DMD: variants seen among roughly 807,000 people sequenced by gnomAD.
The protein encoded by DMD is dystrophin.
A neutral mutation model predicts 330.1 loss-of-function variants in DMD; 63 were observed. The ratio of observed to expected loss-of-function variants is 0.19; its 90% confidence interval spans 0.16 to 0.24. DMD has a LOEUF of 0.24. Among genes scored for constraint, DMD ranks in the 10% least tolerant of loss-of-function variants. DMD has a pLI of 1.00. For missense variants in DMD, 3,344 were observed against 2,684.1 expected (o/e 1.25, Z -5.43); for synonymous variants, 1,223 against 959.8 (o/e 1.27, Z -5.07).
intron 1 of DMD, among the ~76,000 whole-genome samples, chrX:33,033,597 T>C (rs1442833397): frequency 9.5e-6 from 1 of 105,436 alleles, no homozygotes; most frequent in Non-Finnish European, 1.9e-5. Flanking sequence ...CGGGCACCTG[T>C]AGTCTCAGCT....
chrX:31,749,191 G>A (rs1357643644), intron 51 of DMD, among the ~76,000 whole-genome samples: 1 of 108,399 alleles, frequency 9.2e-6, no homozygotes, highest in Non-Finnish European at 1.9e-5. Flanking sequence ...TGTGCACAAT[G>A]TGCAGGTTAG....
At chrX:31,486,958 C>T (rs1207439371) in intron 57 of DMD, among the ~76,000 whole-genome samples, 3 of 111,836 alleles carry the variant, frequency 2.7e-5, no homozygotes, top group Admixed American at 9.5e-5. Context: ...ACAAGCAATG[C>T]TCAGTTAACT....
chrX:32,481,474 C>A (rs1456922522), intron 21 of DMD, among the ~76,000 whole-genome samples: 1 of 111,532 alleles, frequency 9.0e-6, no homozygotes, highest in Admixed American at 9.5e-5. Context: ...GTCTACTGCT[C>A]TTAAAATCCA....
At chrX:33,028,860 C>G (rs1342456795) in intron 1 of DMD, among the ~76,000 whole-genome samples, 3 of 112,057 alleles carry the variant, frequency 2.7e-5, no homozygotes, top group Non-Finnish European at 5.6e-5. Flanking sequence ...CTTGCTTACA[C>G]TCACACATAC....
At position 31,318,131 on chromosome X, in the gene DMD, T is replaced by C. The variant is rs966803184; in HGVS notation, c.9224+5467A>G. On this transcript the variant is annotated intron_variant, in intron 62 of 78. Transcript: ENST00000357033. Reference sequence around the variant, plus strand: ...GGGACATATTTGGAATCCGAAAAAATTGCCATGAAAGTAGTAATAGAGGCA... The same window carrying C: ...GGGACATATTTGGAATCCGAAAAAACTGCCATGAAAGTAGTAATAGAGGCA... Among the ~76,000 whole-genome samples the C allele has an allele frequency of 6.3e-5, 7 of 111,089 alleles. No individual in the cohort carries two copies. In the East Asian group the frequency reaches 1.1e-3, roughly 18 times the overall value.
At position 31,968,489 on chromosome X, in the gene DMD, C is replaced by A; in HGVS notation, c.6464G>T (p.Arg2155Leu). The A allele has an allele frequency of 8.3e-7, 1 of 1,210,398 alleles. No homozygotes were observed. Among genetic ancestry groups the A allele is most frequent in the Non-Finnish European group, 1.1e-6 (1 of 894,729 alleles). ...ATTCAATGTTCTGACAACAGTTTGC[C>A]GCTGCCCAATGCCATCCTGGAGTTC... Reference protein sequence around the residue: ...LKELQDGIGQRQTVVRTLNAT... With the variant: ...LKELQDGIGQLQTVVRTLNAT... Residue 2155 changes from arginine to leucine, a missense_variant, in exon 45 of 79, where the codon CGG (arginine) becomes CTG (leucine). Transcript: ENST00000357033.
At chrX:31,696,964 C>T (rs186311095) in intron 52 of DMD, among the ~76,000 whole-genome samples, 1 of 112,185 alleles carries the variant, frequency 8.9e-6, no homozygotes, top group Admixed American at 9.5e-5. Context: ...AGAGTAGACC[C>T]TGCAGAAATA....
rs1035596609 is a variant in DMD at position 32,717,496 on chromosome X, T to C, written c.650-18203A>G. On this transcript the variant is annotated intron_variant, in intron 7 of 78. Transcript: ENST00000357033. ...ATCCACCTAGATTTCAGAGAATGTGTGGAAACACCTGCATGTCCAGGTAGA... is the reference window on the plus strand; with the variant it reads ...ATCCACCTAGATTTCAGAGAATGTGCGGAAACACCTGCATGTCCAGGTAGA... Among the ~76,000 whole-genome samples, 23 of 111,495 alleles carry C rather than the reference T, an allele frequency of 2.1e-4. 1 individual carries two copies. The highest frequency in any genetic ancestry group is 5.7e-4 in the Admixed American group (6 of 10,552).
intron 62 of DMD, among the ~76,000 whole-genome samples, chrX:31,281,772 T>C (rs1345355932): frequency 5.4e-5 from 6 of 111,415 alleles, no homozygotes; most frequent in African/African-American, 2.0e-4. Context: ...ACAAAAACAA[T>C]ATGAGTTAAG....
chrX:31,425,695 T>TACACACACACACACGCACACACAC (rs2063667557), intron 60 of DMD, among the ~76,000 whole-genome samples: 1 of 103,599 alleles, frequency 9.7e-6, no homozygotes, highest in African/African-American at 3.8e-5. Flanking sequence ...CAGGCATGAG[T>TACACACACACACACGCACACACAC]ACACACACAC....
intron 2 of DMD, among the ~76,000 whole-genome samples, chrX:32,990,438 A>T (rs2092945109): frequency 8.9e-6 from 1 of 111,787 alleles, no homozygotes; most frequent in Non-Finnish European, 1.9e-5. Flanking sequence ...TCCAGGATTC[A>T]TTCAATTATT....
intron 9 of DMD, among the ~76,000 whole-genome samples, chrX:32,654,792 T>C (rs2060437026): frequency 9.0e-6 from 1 of 111,414 alleles, no homozygotes; most frequent in Admixed American, 9.5e-5. Flanking sequence ...GGACTTTTTT[T>C]GGTTGGTAGG....
At chrX:31,492,030 G>T (rs377114458) in intron 57 of DMD, among the ~76,000 whole-genome samples, 20 of 112,089 alleles carry the variant, frequency 1.8e-4, no homozygotes, top group African/African-American at 6.5e-4. Flanking sequence ...ATTTAGAATA[G>T]AGAGTAAGCA....
intron 67 of DMD, among the ~76,000 whole-genome samples, chrX:31,192,467 T>C (rs960762155): frequency 8.9e-6 from 1 of 112,104 alleles, no homozygotes; most frequent in Non-Finnish European, 1.9e-5. Flanking sequence ...CTTGGTCTCA[T>C]GTGAAATGCC....
chrX:31,695,341 G>A (rs5927808), intron 52 of DMD, among the ~76,000 whole-genome samples: 46,274 of 109,091 alleles, frequency 0.42, 8,021 homozygotes, highest in African/African-American at 0.62. Context: ...GAAAGAATGA[G>A]TAAGACCTAG....
intron 43 of DMD, among the ~76,000 whole-genome samples, chrX:32,283,279 T>A (rs1603629918): frequency 8.9e-6 from 1 of 111,985 alleles, no homozygotes; most frequent in Non-Finnish European, 1.9e-5. Flanking sequence ...CCTGTTGTTT[T>A]CAGTCAGCAA....
At chrX:32,563,016 G>C (rs1240222671) in intron 16 of DMD, among the ~76,000 whole-genome samples, 4 of 111,316 alleles carry the variant, frequency 3.6e-5, no homozygotes, top group Non-Finnish European at 5.6e-5. Flanking sequence ...GCCCACAATA[G>C]GAGCGTGTAA....
Position 32,185,936 on chromosome X carries a change from T to C in DMD, c.6438+30980A>G, listed in dbSNP as rs180993396. Among the ~76,000 whole-genome samples, 50 of 110,636 alleles carry C rather than the reference T, an allele frequency of 4.5e-4. No homozygotes were observed. The Admixed American group carries it at 4.7e-3, about 10-fold the overall frequency. Reference sequence around the variant, plus strand: ...GACAAAAGGGTTGCACAGTTCCCCTTTTTCTGCCTCTCGGAGATCTTAAAA... The same window carrying C: ...GACAAAAGGGTTGCACAGTTCCCCTCTTTCTGCCTCTCGGAGATCTTAAAA... On this transcript the variant is annotated intron_variant, in intron 44 of 78. Transcript: ENST00000357033.
At chrX:32,175,097 C>T (rs945361216) in intron 44 of DMD, among the ~76,000 whole-genome samples, 2 of 111,722 alleles carry the variant, frequency 1.8e-5, no homozygotes, top group Non-Finnish European at 3.8e-5. Context: ...AACACATAAA[C>T]AAGCAAATAA....
Sources: gnomAD v4.1 joint callset for allele counts (sites outside exome capture counted in the v4.1 genomes callset) on GRCh38, gnomAD v4.1.1 for gene constraint, MANE v1.5 for transcripts, NCBI Gene and HGNC (gene_info 2026-07-23, HGNC 2026-07-21) for gene names.